Variants in MYO18A observed in about 807,000 individuals in gnomAD.
The protein encoded by MYO18A is unconventional myosin-XVIIIa.
In MYO18A, 78 loss-of-function variants were observed where a neutral mutation model predicts 235.8. That is an observed-to-expected ratio of 0.33 (90% CI 0.28 to 0.40). The LOEUF is 0.40. Ranked by LOEUF, MYO18A falls within the 10% of genes least tolerant of loss-of-function variation. The pLI, the probability that MYO18A is intolerant of heterozygous loss-of-function variation, is 1.00. For synonymous variants in MYO18A, 977 were observed against 1,077.8 expected (o/e 0.91, Z 1.83); for missense variants, 2,215 against 2,699.3 (o/e 0.82, Z 3.98).
Position 29,115,335 on chromosome 17 carries a change from C to A in MYO18A, c.2318+16G>T. ...TGCCAAAGCAGGAAAAGCCCTGGGT[C>A]CTGCCTGGCACTCACCTATTCACCA... On this transcript the variant is annotated intron_variant, in intron 13 of 41. Coordinates refer to ENST00000527372, the MANE Select transcript of MYO18A (RefSeq NM_078471.4). 1 of 1,613,576 alleles carries A rather than the reference C, an allele frequency of 6.2e-7. No homozygotes were observed. Among genetic ancestry groups the A allele is most frequent in the East Asian group, 2.2e-5 (1 of 44,882 alleles).
At chr17:29,079,814 G>A in intron 41 of MYO18A, 4 of 986,098 alleles carry the variant, frequency 4.1e-6, no homozygotes, top group Non-Finnish European at 4.8e-6. Context: ...TTCCTCGACG[G>A]CCGGTGCGTC....
At chr17:29,179,617 AC>A (rs2068605560) in intron 1 of MYO18A, among the ~76,000 whole-genome samples, 1 of 151,570 alleles carries the variant, frequency 6.6e-6, no homozygotes, top group Admixed American at 6.6e-5. Flanking sequence ...CACGCACCCC[AC>A]CCCTCTGCAG....
chr17:29,120,797 G>A lies in MYO18A; in HGVS notation c.1586-39C>T, dbSNP rs1389490082. ...GCCCAAGGGGATATCAGGAAAGCCA[G>A]GGGCAGCTTATCCCCCAGCTAGGAG... is the stretch of plus-strand genomic sequence containing the variant. On this transcript the variant is annotated intron_variant, in intron 6 of 41. Coordinates refer to ENST00000527372, the MANE Select transcript of MYO18A (RefSeq NM_078471.4). This position sits in a 1 kb window ranked among gnomAD's most constrained non-coding sequence, Gnocchi z 4.2. The A allele has an allele frequency of 6.3e-6, 10 of 1,597,516 alleles. No homozygotes were observed. Among genetic ancestry groups the A allele is most frequent in the Non-Finnish European group, 6.8e-6 (8 of 1,170,234 alleles).
chr17:29,143,807 C>T (rs917295662), intron 2 of MYO18A, among the ~76,000 whole-genome samples: 1 of 152,190 alleles, frequency 6.6e-6, no homozygotes. Flanking sequence ...CTGCTCCATC[C>T]TGTACTGAAG....
At position 29,114,978 on chromosome 17, in the gene MYO18A, AGTT is replaced by A; in HGVS notation, c.2437_2439del (p.Asn813del). 6.2e-7 allele frequency: 1 copy of A among 1,614,036 alleles called. No individual in the cohort carries two copies. Among genetic ancestry groups the A allele is most frequent in the Non-Finnish European group, 8.5e-7 (1 of 1,179,896 alleles). On this transcript the variant is annotated inframe_deletion, in exon 14 of 42. Coordinates refer to ENST00000527372, the MANE Select transcript of MYO18A (RefSeq NM_078471.4). The stretch of plus-strand genomic sequence containing the variant: ...AGCCTCTGCAGCCGGTCTTGGGTGT[AGTT>A]GTGGCACAGCTCCTCAAAGGAGGCT...
At chr17:29,127,541 G>A (rs777585838) in intron 2 of MYO18A, among the ~76,000 whole-genome samples, 7 of 152,186 alleles carry the variant, frequency 4.6e-5, no homozygotes, top group Non-Finnish European at 7.3e-5. Flanking sequence ...TCTGATCCTC[G>A]GGTTTGGGTC....
At position 29,140,532 on chromosome 17, in the gene MYO18A, C is replaced by T. The variant is rs1453349838; in HGVS notation, c.1000-18279G>A. 1.5e-5 allele frequency: 10 copies of T among 653,086 alleles called. No homozygotes were observed. The Admixed American group carries it at 2.3e-4, about 15-fold the overall frequency. 40.5% of individuals were successfully genotyped at this position (653,086 alleles called of 1,614,324 possible). A position where few individuals can be genotyped will look rare whatever the true frequency, so the allele number is the denominator to read the frequency against. ...CGGAGGACTTCGGGTATCAGGTATG[C>T]CAGGAGGGAGAGGGTGATACAGCAG... On this transcript the variant is annotated intron_variant, in intron 2 of 41. Coordinates refer to ENST00000527372, the MANE Select transcript of MYO18A (RefSeq NM_078471.4). The surrounding 1 kb of genome is among the most constrained non-coding windows in gnomAD (Gnocchi z 4.2).
chr17:29,155,048 A>G (rs2068037721), intron 2 of MYO18A, among the ~76,000 whole-genome samples: 1 of 152,192 alleles, frequency 6.6e-6, no homozygotes, highest in African/African-American at 2.4e-5. Context: ...GGTGTCACGG[A>G]GAGTCATGAC....
intron 2 of MYO18A, among the ~76,000 whole-genome samples, chr17:29,136,797 T>G (rs1214746501): frequency 6.6e-6 from 1 of 152,204 alleles, no homozygotes; most frequent in Non-Finnish European, 1.5e-5. Flanking sequence ...CAAATCTGGT[T>G]GATAAACTTC....
At chr17:29,097,199 G>T in intron 27 of MYO18A, 24 bp downstream of exon 27, 1 of 1,601,654 alleles carries the variant, frequency 6.2e-7, no homozygotes. Flanking sequence ...CCAGGCACAG[G>T]CCTCAGCTCC....
intron 2 of MYO18A, among the ~76,000 whole-genome samples, chr17:29,160,718 T>C (rs1172486352): frequency 6.6e-6 from 1 of 152,066 alleles, no homozygotes; most frequent in African/African-American, 2.4e-5. Context: ...AGCGTGGAGG[T>C]GGTTTATGTG....
At chr17:29,081,674 G>A (rs967899359) in intron 41 of MYO18A, among the ~76,000 whole-genome samples, 1 of 152,160 alleles carries the variant, frequency 6.6e-6, no homozygotes, top group Non-Finnish European at 1.5e-5. Context: ...CTTTCTCCCT[G>A]CTGCCACACT....
Position 29,087,057 on chromosome 17 carries a change from G to C in MYO18A, c.5591C>G (p.Ala1864Gly), listed in dbSNP as rs773518579. The change falls in exon 38 of 42, where the codon GCA (alanine) becomes GGA (glycine). Residue 1864 changes from alanine (A) to glycine (G), a missense_variant. Physicochemically the swap from Ala to Gly is moderately conservative, Grantham distance 60. Coordinates refer to ENST00000527372, the MANE Select transcript of MYO18A (RefSeq NM_078471.4). ...KLTEERDQRI[A>G]AENREKEQNK... ...CTGTTCCTTCTCCCGGTTCTCGGCTGCAATGCGCTGATCCCGCTCCTCAGT... is the reference window on the plus strand; with the variant it reads ...CTGTTCCTTCTCCCGGTTCTCGGCTCCAATGCGCTGATCCCGCTCCTCAGT... 5.0e-6 allele frequency: 8 copies of C among 1,613,894 alleles called. No homozygotes were observed. The African/African-American group carries it at 1.1e-4, about 22-fold the overall frequency.
At chr17:29,127,185 A>C (rs2152880344) in intron 2 of MYO18A, among the ~76,000 whole-genome samples, 2 of 152,206 alleles carry the variant, frequency 1.3e-5, no homozygotes, top group Middle Eastern at 6.8e-3. Context: ...CCCCCAAACA[A>C]AATATTTTTC....
At position 29,097,990 on chromosome 17, in the gene MYO18A, G is replaced by A. The variant is rs114530116; in HGVS notation, c.3991-91C>T. On this transcript the variant is annotated intron_variant, in intron 25 of 41. Transcript: ENST00000527372. ...GACCATGATCACATGCTTACCAAGG[G>A]CAGACAGGGATGCTGGGCTAGGGGT... is the stretch of plus-strand genomic sequence containing the variant. 1,716 of 1,570,874 alleles carry A rather than the reference G, an allele frequency of 1.1e-3. 19 individuals are homozygous for A. The African/African-American group carries it at 0.021, about 19-fold the overall frequency.
intron 2 of MYO18A, among the ~76,000 whole-genome samples, chr17:29,146,657 T>C (rs1014498581): frequency 6.6e-6 from 1 of 152,214 alleles, no homozygotes; most frequent in Admixed American, 6.5e-5. Flanking sequence ...CACATCTCTA[T>C]CCACACAACT....
chr17:29,123,529 C>T (rs1003952737), intron 2 of MYO18A, among the ~76,000 whole-genome samples: 1 of 152,214 alleles, frequency 6.6e-6, no homozygotes, highest in African/African-American at 2.4e-5. Flanking sequence ...CGTGGGCTCT[C>T]CTCTCAGGTT....
chr17:29,126,116 C>G lies in MYO18A; in HGVS notation c.1000-3863G>C. ...GCGGCAATCTGAGTTTTTAAACCATCAGATTAGAAAAAAAAGAACAAGTGC... is the reference window on the plus strand; with the variant it reads ...GCGGCAATCTGAGTTTTTAAACCATGAGATTAGAAAAAAAAGAACAAGTGC... On this transcript the variant is annotated intron_variant, in intron 2 of 41. Transcript: ENST00000527372. The surrounding 1 kb of genome is among the most constrained non-coding windows in gnomAD (Gnocchi z 4.1). 5.0e-6 allele frequency: 1 copy of G among 199,146 alleles called. No individual in the cohort carries two copies. The highest frequency in any genetic ancestry group is 9.0e-6 in the Non-Finnish European group (1 of 110,664). 12.3% of individuals were successfully genotyped at this position (199,146 alleles called of 1,614,324 possible). A position where few individuals can be genotyped will look rare whatever the true frequency, so the allele number is the denominator to read the frequency against.
rs756025765 is a variant in MYO18A at position 29,115,353 on chromosome 17, A to G, written c.2316T>C (p.Asn772=). Residue 772 remains asparagine (N), a splice_region_variant and synonymous_variant, in exon 13 of 42, where the codon AAT becomes AAC. Coordinates refer to ENST00000527372, the MANE Select transcript of MYO18A (RefSeq NM_078471.4). ...ELFTLLVSLV[N]RALKSSQHSL... is the part of the protein sequence containing the mutation. Reference sequence around the variant, plus strand: ...CCTGGGTCCTGCCTGGCACTCACCTATTCACCAGGGAGACGAGAAGGGTGA... The same window carrying G: ...CCTGGGTCCTGCCTGGCACTCACCTGTTCACCAGGGAGACGAGAAGGGTGA... 1.9e-6 allele frequency: 3 copies of G among 1,613,902 alleles called. No individual in the cohort carries two copies. The highest frequency in any genetic ancestry group is 1.7e-5 in the Admixed American group (1 of 60,028).
Sources: allele counts gnomAD v4.1 joint callset (sites outside exome capture counted in the v4.1 genomes callset), GRCh38; gene constraint gnomAD v4.1.1; non-coding constraint Gnocchi (gnomAD v3.1); transcripts MANE v1.5; gene names NCBI Gene and HGNC (gene_info 2026-07-23, HGNC 2026-07-21).